CDH19: variants seen among roughly 807,000 people sequenced by gnomAD.
The protein encoded by CDH19 is cadherin-19.
A neutral mutation model predicts 64.2 loss-of-function variants in CDH19; 67 were observed. That is an observed-to-expected ratio of 1.04 (90% CI 0.86 to 1.28). The LOEUF is 1.28. Among genes scored for constraint, CDH19 ranks in the 50% most tolerant of loss-of-function variants. CDH19 has a pLI of 0.00. For synonymous variants in CDH19, 346 were observed against 319.3 expected, an observed-to-expected ratio of 1.08 and a Z score of -0.89; for missense variants, 1,030 against 929.0, an observed-to-expected ratio of 1.11 and a Z score of -1.41.
chr18:66,590,487 T>C (rs547945795), intron 1 of CDH19, among the ~76,000 whole-genome samples: 1 of 151,094 alleles, frequency 6.6e-6, no homozygotes, highest in African/African-American at 2.4e-5. Context: ...CTTTAACCAA[T>C]GTCTTTGCAG....
intron 1 of CDH19, among the ~76,000 whole-genome samples, chr18:66,586,318 A>G (rs1283030734): frequency 6.6e-6 from 1 of 152,060 alleles, no homozygotes; most frequent in Non-Finnish European, 1.5e-5. Context: ...GGTTTTGAAA[A>G]TGCTACTAAA....
chr18:66,597,903 G>A (rs1311766872), intron 1 of CDH19, among the ~76,000 whole-genome samples: 1 of 152,056 alleles, frequency 6.6e-6, no homozygotes, highest in Non-Finnish European at 1.5e-5. Flanking sequence ...GGGGTGGGAG[G>A]AAGGGGGAAG....
chr18:66,564,861 CCTT>C (rs1987849748), intron 3 of CDH19, among the ~76,000 whole-genome samples: 1 of 102,240 alleles, frequency 9.8e-6, no homozygotes, highest in African/African-American at 4.0e-5. Flanking sequence ...TTTAAATGCC[CCTT>C]CTTTTTTTTT....
intron 1 of CDH19, among the ~76,000 whole-genome samples, chr18:66,602,443 A>G (rs1293031816): frequency 6.6e-6 from 1 of 151,982 alleles, no homozygotes; most frequent in South Asian, 2.1e-4. Context: ...TCAATTTATG[A>G]TAATTTAATC....
chr18:66,592,180 C>T (rs1472299181), intron 1 of CDH19, among the ~76,000 whole-genome samples: 1 of 151,828 alleles, frequency 6.6e-6, no homozygotes, highest in Non-Finnish European at 1.5e-5. Flanking sequence ...CAAGTAAATT[C>T]ATTTACCTCC....
intron 11 of CDH19, among the ~76,000 whole-genome samples, chr18:66,506,412 A>G (rs572630804): frequency 3.9e-4 from 59 of 152,114 alleles, no homozygotes; most frequent in African/African-American, 1.4e-3. Flanking sequence ...TATTGAAACA[A>G]CACACTGTAC....
intron 9 of CDH19, among the ~76,000 whole-genome samples, chr18:66,512,187 G>A (rs928130608): frequency 1.3e-5 from 2 of 151,450 alleles, no homozygotes; most frequent in African/African-American, 4.8e-5. Context: ...TAAAATGTAG[G>A]GGCAATGTAC....
intron 9 of CDH19, among the ~76,000 whole-genome samples, chr18:66,512,700 T>C (rs1985550888): frequency 6.6e-6 from 1 of 151,500 alleles, no homozygotes; most frequent in Non-Finnish European, 1.5e-5. Flanking sequence ...ACAAAACACA[T>C]TTTATTCAAT....
intron 1 of CDH19, among the ~76,000 whole-genome samples, chr18:66,603,463 T>G (rs1989087136): frequency 4.0e-5 from 6 of 151,272 alleles, no homozygotes; most frequent in Admixed American, 1.3e-4. Context: ...TTAATTTTTT[T>G]GGAATTATAA....
chr18:66,571,205 T>C (rs1439401485), intron 2 of CDH19, among the ~76,000 whole-genome samples: 2 of 151,576 alleles, frequency 1.3e-5, no homozygotes, highest in African/African-American at 2.4e-5. Context: ...TACATTTGGC[T>C]GATAACACAG....
chr18:66,590,310 C>T (rs1988705904), intron 1 of CDH19, among the ~76,000 whole-genome samples: 1 of 151,780 alleles, frequency 6.6e-6, no homozygotes, highest in Middle Eastern at 3.2e-3. Flanking sequence ...AATGGCATTC[C>T]TTAATTGACT....
chr18:66,517,423 T>G (rs1191441786), intron 9 of CDH19, among the ~76,000 whole-genome samples: 1 of 152,062 alleles, frequency 6.6e-6, no homozygotes, highest in African/African-American at 2.4e-5. Flanking sequence ...TGATAACTAT[T>G]TGCACCACAT....
At chr18:66,597,159 AGTT>A (rs1468329661) in intron 1 of CDH19, among the ~76,000 whole-genome samples, 77 of 139,186 alleles carry the variant, frequency 5.5e-4, no homozygotes, top group Non-Finnish European at 2.5e-4. Context: ...AGCAATCTTA[AGTT>A]AAAAAAAAAA....
chr18:66,544,273 G>A, intron 6 of CDH19, 49 bp from the exon 7 acceptor site: 1 of 1,543,822 alleles, frequency 6.5e-7, no homozygotes, highest in Non-Finnish European at 8.7e-7. Context: ...AGTAACCCAA[G>A]ATACTATTTA....
In CDH19 at chr18:66,595,748, G is replaced by C. The variant is rs994638953; in HGVS notation, c.-113+8206C>G. Among the ~76,000 whole-genome samples, 5 of 152,072 alleles carry C rather than the reference G, an allele frequency of 3.3e-5. No homozygotes were observed. In the East Asian group the frequency reaches 9.7e-4, roughly 29 times the overall value. Reference sequence around the variant, plus strand: ...TTATACCAGATACTATAAAGAAGACGGGGTATCAATTTTACTGAAACTATT... The same window carrying C: ...TTATACCAGATACTATAAAGAAGACCGGGTATCAATTTTACTGAAACTATT... On this transcript the variant is annotated intron_variant, in intron 1 of 11. Coordinates refer to ENST00000262150, the MANE Select transcript of CDH19 (RefSeq NM_021153.4).
At chr18:66,563,263 A>G (rs905966226) in intron 3 of CDH19, among the ~76,000 whole-genome samples, 3 of 152,080 alleles carry the variant, frequency 2.0e-5, no homozygotes, top group Admixed American at 6.6e-5. Context: ...TTGAATGCCA[A>G]GATTCCAGCT....
intron 1 of CDH19, among the ~76,000 whole-genome samples, chr18:66,589,761 T>C (rs968731500): frequency 1.4e-4 from 21 of 151,954 alleles, no homozygotes; most frequent in Non-Finnish European, 2.9e-4. Flanking sequence ...CTTTGTTAAT[T>C]TGCCTTTCTT....
At chr18:66,596,423 G>A (rs772809807) in intron 1 of CDH19, 1 of 151,970 alleles carries the variant, frequency 6.6e-6, no homozygotes, top group Non-Finnish European at 1.5e-5. Flanking sequence ...CTGCCCAGAG[G>A]TTCCTAGATC....
At chr18:66,591,709 A>G (rs12959418) in intron 1 of CDH19, among the ~76,000 whole-genome samples, 49,092 of 151,620 alleles carry the variant, frequency 0.32, 9,822 homozygotes, top group Non-Finnish European at 0.45. Flanking sequence ...GTGGAATTCT[A>G]TTTACCTACT....
Sources: allele counts gnomAD v4.1 joint callset (sites outside exome capture counted in the v4.1 genomes callset), GRCh38; gene constraint gnomAD v4.1.1; transcripts MANE v1.5; gene names NCBI Gene and HGNC (gene_info 2026-07-23, HGNC 2026-07-21).